FHOD3: variants seen among roughly 807,000 people sequenced by gnomAD.
FHOD3 encodes the protein formin homology 2 domain containing 3, also known as FH1/FH2 domain-containing protein 3.
In FHOD3, 90 loss-of-function variants were observed where a neutral mutation model predicts 173.0. The observed-to-expected ratio is 0.52, with a 90% CI of 0.44 to 0.62. The LOEUF (loss-of-function observed/expected upper bound fraction) is 0.62. Ranked by LOEUF, FHOD3 falls within the 20% of genes least tolerant of loss-of-function variation. The pLI, the probability that FHOD3 is intolerant of heterozygous loss-of-function variation, is 0.00. For synonymous variants in FHOD3, 828 were observed against 823.0 expected, an observed-to-expected ratio of 1.01 and a Z score of -0.10; for missense variants, 1,945 against 2,034.7, an observed-to-expected ratio of 0.96 and a Z score of 0.85.
intron 8 of FHOD3, among the ~76,000 whole-genome samples, chr18:36,604,670 G>A (rs541590123): frequency 6.6e-6 from 1 of 152,304 alleles, no homozygotes; most frequent in East Asian, 1.9e-4. Flanking sequence ...AAAAGAGAGA[G>A]AGAGATGAAG....
intron 8 of FHOD3, among the ~76,000 whole-genome samples, chr18:36,608,876 A>G (rs1481750534): frequency 6.6e-6 from 1 of 152,214 alleles, no homozygotes; most frequent in Non-Finnish European, 1.5e-5. Context: ...TTCCTTGTAG[A>G]GATGCATATG....
intron 8 of FHOD3, among the ~76,000 whole-genome samples, chr18:36,608,183 A>G (rs1212527035): frequency 1.3e-5 from 2 of 152,268 alleles, no homozygotes; most frequent in Non-Finnish European, 2.9e-5. Context: ...TTGCTATAAC[A>G]GAATACCACA....
In FHOD3 at chr18:36,622,458, G is replaced by A. The variant is rs559983986; in HGVS notation, c.958-3053G>A. Among the ~76,000 whole-genome samples the A allele has an allele frequency of 1.4e-4, 21 of 152,288 alleles. No homozygotes were observed. The South Asian group carries it at 2.7e-3, about 20-fold the overall frequency. ...TAAGTTGCCCCTAACTGCTTTCTTG[G>A]TTACATGGGGATGTGTAAGCCGTCA... On this transcript the variant is annotated intron_variant, in intron 9 of 28. Coordinates refer to ENST00000590592, the MANE Select transcript of FHOD3 (RefSeq NM_001281740.3).
intron 3 of FHOD3, among the ~76,000 whole-genome samples, chr18:36,478,817 C>T (rs1379249525): frequency 6.6e-6 from 1 of 152,150 alleles, no homozygotes. Context: ...ACTCTTGCTA[C>T]CTACCCCAAT....
rs2041974727 is a variant in FHOD3, at chr18:36,742,979, C to T, written c.3879+123C>T. The T allele has an allele frequency of 1.5e-5, 21 of 1,359,488 alleles. No individual in the cohort carries two copies. The South Asian group carries it at 2.7e-4, about 18-fold the overall frequency. The allele number at this position is 1,359,488 out of a possible 1,614,324, so 84.2% of individuals were successfully genotyped here. On this transcript the variant is annotated intron_variant, in intron 22 of 28. Transcript: ENST00000590592. ...ACAGTGGAACAAATGACTTTTGTGT[C>T]TTCTTGCTGAAAATCTAGAAGGAAT...
At chr18:36,683,552 T>C (rs1042522158) in intron 15 of FHOD3, among the ~76,000 whole-genome samples, 1 of 152,244 alleles carries the variant, frequency 6.6e-6, no homozygotes, top group Admixed American at 6.5e-5. Context: ...TACCATTTTT[T>C]ACCTTCACTA....
chr18:36,576,866 G>T (rs1480816690), intron 6 of FHOD3, among the ~76,000 whole-genome samples: 1 of 152,182 alleles, frequency 6.6e-6, no homozygotes, highest in Non-Finnish European at 1.5e-5. Context: ...ACTTGGCAAG[G>T]CCAAAGCGGG....
At chr18:36,344,549 T>C (rs570774008) in intron 1 of FHOD3, among the ~76,000 whole-genome samples, 1 of 152,176 alleles carries the variant, frequency 6.6e-6, no homozygotes, top group African/African-American at 2.4e-5. Flanking sequence ...AAAGGCTTAA[T>C]AAAAGAATGT....
chr18:36,742,953 C>A, intron 22 of FHOD3, 97 bp downstream of exon 22: 1 of 1,444,958 alleles, frequency 6.9e-7, no homozygotes, highest in Non-Finnish European at 9.3e-7. Context: ...TTCCCCAAAG[C>A]ACAGTGGAAC....
chr18:36,620,317 G>C (rs537285176), intron 9 of FHOD3, among the ~76,000 whole-genome samples: 8 of 152,280 alleles, frequency 5.3e-5, no homozygotes, highest in African/African-American at 1.9e-4. Flanking sequence ...TTTGCCTGGA[G>C]TGTTTTTTCT....
rs57964483 is a variant in FHOD3, at chr18:36,539,875, C to T, written c.511+27332C>T. 1.9e-3 allele frequency among the ~76,000 whole-genome samples: 295 copies of T among 152,196 alleles called. 1 individual carries two copies. Among genetic ancestry groups the T allele is most frequent in the African/African-American group, 6.7e-3 (280 of 41,516 alleles). On this transcript the variant is annotated intron_variant, in intron 5 of 28. Coordinates refer to ENST00000590592, the MANE Select transcript of FHOD3 (RefSeq NM_001281740.3). ...GCAAGTCCTGGAAGAGGCCTGGTTC[C>T]GATGTGGCAATAGGGGAGTAGCTTG...
chr18:36,447,378 G>C (rs544828042), intron 3 of FHOD3, among the ~76,000 whole-genome samples: 58 of 152,302 alleles, frequency 3.8e-4, no homozygotes, highest in African/African-American at 1.3e-3. Flanking sequence ...GCTTGATTTG[G>C]GGACATGACG....
intron 3 of FHOD3, among the ~76,000 whole-genome samples, chr18:36,451,908 A>G (rs2144337425): frequency 6.6e-6 from 1 of 152,314 alleles, no homozygotes; most frequent in African/African-American, 2.4e-5. Context: ...CACAGATAGC[A>G]GCCGCCCTCT....
chr18:36,649,581 G>A (rs1348161463), intron 11 of FHOD3, among the ~76,000 whole-genome samples, 176 bp downstream of exon 11: 2 of 152,122 alleles, frequency 1.3e-5, no homozygotes, highest in East Asian at 3.9e-4. Flanking sequence ...ACCTGAGCAT[G>A]TTTTCATTAG....
At chr18:36,664,175 T>C (rs1330040198) in intron 14 of FHOD3, among the ~76,000 whole-genome samples, 1 of 152,198 alleles carries the variant, frequency 6.6e-6, no homozygotes, top group Non-Finnish European at 1.5e-5. Context: ...AAAGTACATT[T>C]TTAAAAAACA....
chr18:36,340,931 C>T (rs1313613648), intron 1 of FHOD3, among the ~76,000 whole-genome samples: 1 of 152,186 alleles, frequency 6.6e-6, no homozygotes, highest in East Asian at 1.9e-4. Flanking sequence ...GCCACCGCGC[C>T]CGGCCAGTCT....
intron 3 of FHOD3, among the ~76,000 whole-genome samples, chr18:36,409,953 G>T (rs17673476): frequency 0.23 from 34,370 of 152,190 alleles, 4,423 homozygotes; most frequent in East Asian, 0.67. Context: ...GGCGTTGCCC[G>T]GGTGTCCCAT....
chr18:36,605,780 A>G (rs1310936641), intron 8 of FHOD3, among the ~76,000 whole-genome samples: 1 of 152,240 alleles, frequency 6.6e-6, no homozygotes, highest in African/African-American at 2.4e-5. Context: ...ATAACAAATT[A>G]AAATGTTAAT....
At chr18:36,435,557 T>C (rs2050770343) in intron 3 of FHOD3, among the ~76,000 whole-genome samples, 1 of 152,112 alleles carries the variant, frequency 6.6e-6, no homozygotes, top group African/African-American at 2.4e-5. Context: ...ACATCAAAAA[T>C]GTTTGTGTGG....
Sources: allele counts gnomAD v4.1 joint callset (sites outside exome capture counted in the v4.1 genomes callset), GRCh38; gene constraint gnomAD v4.1.1; transcripts MANE v1.5; gene names NCBI Gene and HGNC (gene_info 2026-07-23, HGNC 2026-07-21).